CCDC85A: variants seen among roughly 807,000 people sequenced by gnomAD.
CCDC85A encodes coiled-coil domain-containing protein 85A.
Under a neutral mutation model 50.2 loss-of-function variants are expected in CCDC85A, and 38 were observed. The observed-to-expected ratio is 0.76, with a 90% CI of 0.58 to 0.99. CCDC85A has a LOEUF of 0.99. Ranked by LOEUF, CCDC85A falls within the 50% of genes least tolerant of loss-of-function variation. The pLI, the probability that CCDC85A is intolerant of heterozygous loss-of-function variation, is 0.00. For synonymous variants in CCDC85A, 366 were observed against 301.4 expected, an observed-to-expected ratio of 1.21 and a Z score of -2.22; for missense variants, 820 against 742.0, an observed-to-expected ratio of 1.11 and a Z score of -1.22.
intron 2 of CCDC85A, among the ~76,000 whole-genome samples, chr2:56,269,133 C>G (rs1011102407): frequency 6.6e-6 from 1 of 152,134 alleles, no homozygotes; most frequent in Non-Finnish European, 1.5e-5. Context: ...TTCTCTGGCT[C>G]TGCATCTTTG....
At chr2:56,318,402 T>TTTCA (rs1673014926) in intron 2 of CCDC85A, among the ~76,000 whole-genome samples, 1 of 152,064 alleles carries the variant, frequency 6.6e-6, no homozygotes, top group African/African-American at 2.4e-5. Flanking sequence ...CACGACTGGC[T>TTTCA]TTCATTCATT....
rs1290792945 is a variant in CCDC85A, at chr2:56,193,101, A to C, written c.901A>C (p.Ser301Arg). The change falls in exon 2 of 6, where the codon AGC (serine) becomes CGC (arginine). Residue 301 changes from serine (S) to arginine (R), a missense_variant. Ser to Arg is a moderately radical substitution (Grantham distance 110). Coordinates refer to ENST00000407595, the MANE Select transcript of CCDC85A (RefSeq NM_001080433.2). ...EQQRHPHPGS[S>R]PETLPKHVLS... ...GCAAAGGCACCCGCATCCAGGGAGC[A>C]GCCCCGAAACGCTGCCCAAGCACGT... 3.7e-6 allele frequency: 6 copies of C among 1,613,962 alleles called. No homozygotes were observed. Among genetic ancestry groups the C allele is most frequent in the Admixed American group, 3.3e-5 (2 of 60,020 alleles).
intron 2 of CCDC85A, among the ~76,000 whole-genome samples, chr2:56,232,102 C>G (rs751948376): frequency 6.6e-6 from 1 of 152,114 alleles, no homozygotes; most frequent in Non-Finnish European, 1.5e-5. Context: ...ATAATTTCTT[C>G]TGGTCCCATG....
Position 56,372,446 on chromosome 2 carries a change from C to G in CCDC85A, c.1420C>G (p.Arg474Gly), listed in dbSNP as rs758371670. ...RRVLQWWQGC[R>G]GIGRCLPTLP... Reference sequence around the variant, plus strand: ...GGTCTTGCAGTGGTGGCAAGGGTGCCGAGGAATAGGACGATGCCTGCCTAC... The same window carrying G: ...GGTCTTGCAGTGGTGGCAAGGGTGCGGAGGAATAGGACGATGCCTGCCTAC... The change falls in exon 4 of 6, where the codon CGA becomes GGA. Residue 474 changes from arginine to glycine, a missense_variant. Coordinates refer to ENST00000407595, the MANE Select transcript of CCDC85A (RefSeq NM_001080433.2). 1.9e-6 allele frequency: 3 copies of G among 1,609,128 alleles called. No individual in the cohort carries two copies. Among genetic ancestry groups the G allele is most frequent in the Admixed American group, 3.4e-5 (2 of 59,582 alleles).
At chr2:56,341,989 GT>G (rs60272480) in intron 2 of CCDC85A, among the ~76,000 whole-genome samples, 54,261 of 145,444 alleles carry the variant, frequency 0.37, 11,654 homozygotes, top group African/African-American at 0.61. Context: ...TTTATTTTCT[GT>G]TTTTTTTTTT....
At chr2:56,344,708 G>T (rs759867017) in intron 3 of CCDC85A, among the ~76,000 whole-genome samples, 1 of 151,958 alleles carries the variant, frequency 6.6e-6, no homozygotes, top group African/African-American at 2.4e-5. Flanking sequence ...CAGTATGACT[G>T]TCCTAAGGCC....
intron 5 of CCDC85A, among the ~76,000 whole-genome samples, chr2:56,383,341 A>T (rs538894819): frequency 6.6e-6 from 1 of 151,992 alleles, no homozygotes; most frequent in African/African-American, 2.4e-5. Flanking sequence ...AATCAATCTG[A>T]TCATAATCCT....
intron 2 of CCDC85A, among the ~76,000 whole-genome samples, chr2:56,290,338 G>T (rs1671646435): frequency 1.3e-5 from 2 of 151,934 alleles, no homozygotes; most frequent in African/African-American, 2.4e-5. Flanking sequence ...TCTGGTTTTG[G>T]TTGGAGGGGC....
chr2:56,246,063 T>G (rs1669496662), intron 2 of CCDC85A, among the ~76,000 whole-genome samples: 1 of 152,200 alleles, frequency 6.6e-6, no homozygotes, highest in African/African-American at 2.4e-5. Context: ...TAGCTGGGAT[T>G]ACAGGCATGT....
chr2:56,241,804 C>G (rs1035675985), intron 2 of CCDC85A, among the ~76,000 whole-genome samples: 6 of 152,174 alleles, frequency 3.9e-5, no homozygotes, highest in Non-Finnish European at 7.4e-5. Context: ...GTGCAGATAT[C>G]TCTTTGATAT....
chr2:56,347,862 G>A (rs572391087), intron 3 of CCDC85A, among the ~76,000 whole-genome samples: 1 of 152,150 alleles, frequency 6.6e-6, no homozygotes, highest in African/African-American at 2.4e-5. Context: ...TGGTCACAAA[G>A]ATTTTTTAAT....
intron 2 of CCDC85A, among the ~76,000 whole-genome samples, chr2:56,263,928 C>A (rs970035060): frequency 2.0e-5 from 3 of 152,140 alleles, no homozygotes; most frequent in African/African-American, 7.2e-5. Flanking sequence ...TTTTGGCTTC[C>A]CTGGGCCACA....
At chr2:56,356,939 C>A (rs925635676) in intron 3 of CCDC85A, among the ~76,000 whole-genome samples, 1 of 151,566 alleles carries the variant, frequency 6.6e-6, no homozygotes, top group African/African-American at 2.4e-5. Flanking sequence ...GTAGGCCAGG[C>A]GTGGTGGTGG....
chr2:56,237,474 T>G (rs1669070430), intron 2 of CCDC85A, among the ~76,000 whole-genome samples: 1 of 152,232 alleles, frequency 6.6e-6, no homozygotes, highest in Non-Finnish European at 1.5e-5. Flanking sequence ...GTTAACAATC[T>G]TGCTAAGTAA....
chr2:56,193,436 G>A lies in CCDC85A; in HGVS notation c.1236G>A (p.Met412Ile). 1 of 1,601,180 alleles carries A rather than the reference G, an allele frequency of 6.2e-7. No individual in the cohort carries two copies. The highest frequency in any genetic ancestry group is 8.5e-7 in the Non-Finnish European group (1 of 1,174,038). The change falls in exon 2 of 6, where the codon ATG becomes ATA. Residue 412 changes from methionine (M) to isoleucine (I), a missense_variant. Coordinates refer to ENST00000407595, the MANE Select transcript of CCDC85A (RefSeq NM_001080433.2). ...ATCACCGGAATGTCTACAGTGGCAT[G>A]AACGGTGGGTCAGTATGTGCTGGGG... ...SPHHRNVYSG[M>I]NESTLSYVRQ...
intron 2 of CCDC85A, among the ~76,000 whole-genome samples, chr2:56,248,170 C>G (rs1254877068): frequency 2.0e-5 from 3 of 152,226 alleles, no homozygotes; most frequent in Non-Finnish European, 4.4e-5. Context: ...CTTCTGCTCT[C>G]TGAATATTCC....
intron 2 of CCDC85A, among the ~76,000 whole-genome samples, chr2:56,257,816 T>C (rs1394583609): frequency 6.6e-6 from 1 of 152,198 alleles, no homozygotes; most frequent in Non-Finnish European, 1.5e-5. Flanking sequence ...AGGCCCTCTC[T>C]GAACCTGACA....
At chr2:56,377,698 C>T (rs1047910831) in intron 5 of CCDC85A, among the ~76,000 whole-genome samples, 1 of 151,956 alleles carries the variant, frequency 6.6e-6, no homozygotes, top group Non-Finnish European at 1.5e-5. Context: ...ACCAGCCTGG[C>T]CAACATAGTG....
chr2:56,329,945 GTTTTTTTTTTTTTTTTTT>G (rs535050957), intron 2 of CCDC85A, among the ~76,000 whole-genome samples: 779 of 44,188 alleles, frequency 0.018, 22 homozygotes, highest in African/African-American at 0.05. Flanking sequence ...CAGATTTCCT[GTTTTTTTTTTTTTTTTTT>G]TTTTTTTTTT....
Sources: gnomAD v4.1 joint callset for allele counts (sites outside exome capture counted in the v4.1 genomes callset) on GRCh38, gnomAD v4.1.1 for gene constraint, MANE v1.5 for transcripts, NCBI Gene and HGNC (gene_info 2026-07-23, HGNC 2026-07-21) for gene names.